CCDC158: variants seen among roughly 807,000 people sequenced by gnomAD.
CCDC158 encodes the protein coiled-coil domain containing 158, also known as coiled-coil domain-containing protein 158.
A neutral mutation model predicts 138.6 loss-of-function variants in CCDC158; 116 were observed. The ratio of observed to expected loss-of-function variants is 0.84; its 90% CI spans 0.72 to 0.98. The LOEUF (loss-of-function observed/expected upper bound fraction) is 0.98. CCDC158 is among the 50% of genes least tolerant of loss of function. CCDC158 has a pLI of 0.00. For synonymous variants in CCDC158, 436 were observed against 442.4 expected (o/e 0.99, Z 0.18); for missense variants, 1,265 against 1,306.1 (o/e 0.97, Z 0.48).
rs370244535 is a variant in CCDC158 at position 76,396,259 on chromosome 4, G to T, written c.288+10C>A. 8.0e-5 allele frequency: 127 copies of T among 1,593,958 alleles called. No homozygotes were observed. The highest frequency in any genetic ancestry group is 1.0e-4 in the Non-Finnish European group (120 of 1,163,842). On this transcript the variant is annotated intron_variant, in intron 4 of 24. Transcript: ENST00000682701. ...AATAGCATCAGGTGCTAGAAGAGAA[G>T]GCAACTCACTTCATTTAGTCTTCTC... is the stretch of plus-strand genomic sequence containing the variant.
intron 24 of CCDC158, among the ~76,000 whole-genome samples, chr4:76,321,429 T>C (rs1446249294): frequency 6.6e-6 from 1 of 151,846 alleles, no homozygotes; most frequent in Non-Finnish European, 1.5e-5. Flanking sequence ...AAAGAAGTCA[T>C]TATATGTAAA....
Position 76,334,001 on chromosome 4 carries a change from C to T in CCDC158, c.2822+9G>A. The stretch of plus-strand genomic sequence containing the variant: ...TGAGCTTTCCCATTCTGTGTGCACA[C>T]AGCCTTACACAGCCACATACAAGGC... On this transcript the variant is annotated intron_variant, in intron 19 of 24. Coordinates refer to ENST00000682701, the MANE Select transcript of CCDC158 (RefSeq NM_001394954.1). 1 of 1,573,528 alleles carries T rather than the reference C, an allele frequency of 6.4e-7. No individual in the cohort carries two copies. Among genetic ancestry groups the T allele is most frequent in the Non-Finnish European group, 8.7e-7 (1 of 1,154,878 alleles).
intron 19 of CCDC158, among the ~76,000 whole-genome samples, chr4:76,333,117 T>C (rs1318900893): frequency 6.6e-6 from 1 of 152,248 alleles, no homozygotes; most frequent in East Asian, 1.9e-4. Context: ...TGTAATGTTA[T>C]GCTAAGGTAA....
At chr4:76,385,165 G>A (rs1340378511) in intron 4 of CCDC158, among the ~76,000 whole-genome samples, 1 of 152,128 alleles carries the variant, frequency 6.6e-6, no homozygotes, top group African/African-American at 2.4e-5. Context: ...CATAGTTGAT[G>A]CCATACCTAA....
At chr4:76,342,175 G>T (rs190178749) in intron 18 of CCDC158, among the ~76,000 whole-genome samples, 2 of 152,098 alleles carry the variant, frequency 1.3e-5, no homozygotes, top group African/African-American at 4.8e-5. Context: ...TCCTGACTAG[G>T]ACTACAAGCA....
chr4:76,381,684 T>C (rs958570831), intron 8 of CCDC158, among the ~76,000 whole-genome samples: 2 of 152,286 alleles, frequency 1.3e-5, no homozygotes, highest in Admixed American at 6.5e-5. Flanking sequence ...GGGATAATTA[T>C]ATTTTTTTTA....
chr4:76,325,109 TAA>T (rs1720402835), intron 23 of CCDC158, among the ~76,000 whole-genome samples: 2 of 152,194 alleles, frequency 1.3e-5, no homozygotes, highest in African/African-American at 4.8e-5. Flanking sequence ...CTTAGAAACA[TAA>T]GAGATGAAAG....
At chr4:76,363,951 C>T (rs897477393) in intron 12 of CCDC158, among the ~76,000 whole-genome samples, 3 of 152,048 alleles carry the variant, frequency 2.0e-5, no homozygotes, top group Non-Finnish European at 2.9e-5. Flanking sequence ...GGAGCTTAGA[C>T]TGGGGTGGTT....
upstream of CCDC158, chr4:76,421,803 T>G (rs1448124432): frequency 6.6e-6 from 1 of 152,210 alleles, no homozygotes; most frequent in Non-Finnish European, 1.5e-5. Context: ...TCGGCATAGC[T>G]GACCCTTCTG....
intron 24 of CCDC158, among the ~76,000 whole-genome samples, chr4:76,319,953 G>A (rs563959676): frequency 9.5e-4 from 144 of 152,190 alleles, no homozygotes; most frequent in African/African-American, 3.3e-3. Flanking sequence ...GCAGTCAGAC[G>A]AGAGAAAGAA....
At chr4:76,386,887 A>G (rs913303709) in intron 4 of CCDC158, among the ~76,000 whole-genome samples, 1 of 152,196 alleles carries the variant, frequency 6.6e-6, no homozygotes, top group Admixed American at 6.5e-5. Context: ...AGCCCTAGCC[A>G]GAGGGGAATG....
At chr4:76,386,819 G>A (rs1726837664) in intron 4 of CCDC158, among the ~76,000 whole-genome samples, 1 of 152,180 alleles carries the variant, frequency 6.6e-6, no homozygotes, top group African/African-American at 2.4e-5. Context: ...TTAACTCAGT[G>A]CTGCCCCGTC....
chr4:76,384,108 G>A lies in CCDC158; in HGVS notation c.706C>T (p.Leu236Phe). The A allele has an allele frequency of 6.2e-7, 1 of 1,606,532 alleles. No homozygotes were observed. Among genetic ancestry groups the A allele is most frequent in the Non-Finnish European group, 8.5e-7 (1 of 1,174,984 alleles). Residue 236 changes from leucine (L) to phenylalanine (F), a missense_variant, in exon 6 of 25, where the codon CTT (leucine) becomes TTT (phenylalanine). By Grantham distance (22) the Leu-to-Phe change is conservative (BLOSUM62 0). Coordinates refer to ENST00000682701, the MANE Select transcript of CCDC158 (RefSeq NM_001394954.1). ...CTTACTGGAAATATCCTCCCTTTAAGATAAGAAATCTCTGTGTCTAATTCT... is the reference window on the plus strand; with the variant it reads ...CTTACTGGAAATATCCTCCCTTTAAAATAAGAAATCTCTGTGTCTAATTCT... ...LRELDTEISY[L>F]KGRIFPVEDQ...
chr4:76,414,095 G>A (rs1447344288), intron 1 of CCDC158, among the ~76,000 whole-genome samples: 1 of 152,054 alleles, frequency 6.6e-6, no homozygotes, highest in Non-Finnish European at 1.5e-5. Context: ...TTTTAGTAGA[G>A]ACGGGGTTTT....
rs1227087286 is a variant in CCDC158, at chr4:76,384,267, C to A, written c.547G>T (p.Glu183Ter). 3 of 1,614,020 alleles carry A rather than the reference C, an allele frequency of 1.9e-6. No individual in the cohort carries two copies. Among genetic ancestry groups the A allele is most frequent in the Non-Finnish European group, 2.5e-6 (3 of 1,180,014 alleles). ...EQLRKMMLSH[E>*]GVLQEIRSIL... is the part of the protein sequence containing the mutation. ...GACCGGATTTCTTGAAGCACTCCCTCATGACTAAGCATCATTTTTCGTAGT... is the reference window on the plus strand; with the variant it reads ...GACCGGATTTCTTGAAGCACTCCCTAATGACTAAGCATCATTTTTCGTAGT... Residue 183 changes from glutamate to a stop codon, truncating the protein, a stop_gained, in exon 6 of 25, where the codon GAG (glutamate) becomes TAG (stop). Transcript: ENST00000682701. LOFTEE classifies it high-confidence loss of function.
chr4:76,381,352 A>T (rs937415084), intron 8 of CCDC158, among the ~76,000 whole-genome samples: 4 of 152,232 alleles, frequency 2.6e-5, no homozygotes, highest in Non-Finnish European at 4.4e-5. Context: ...ACGCCTTGGG[A>T]GCCCTGCCTT....
At chr4:76,375,209 G>A (rs1426849679) in intron 9 of CCDC158, 8 of 245,426 alleles carry the variant, frequency 3.3e-5, no homozygotes, top group Admixed American at 1.1e-4. Context: ...TTATTTTTAC[G>A]TAGTAGCACT....
chr4:76,317,149 G>A lies in CCDC158; in HGVS notation c.3278-3903C>T, dbSNP rs568773202. On this transcript the variant is annotated intron_variant, in intron 24 of 24. Transcript: ENST00000682701. ...TCGTATTTCAATACTAACATTGAAT[G>A]TAAATGACCTAAATGTGCCACTTAA... Among the ~76,000 whole-genome samples, 5 of 151,982 alleles carry A rather than the reference G, an allele frequency of 3.3e-5. 1 individual carries two copies. The South Asian group carries it at 8.3e-4, about 25-fold the overall frequency.
chr4:76,340,571 T>C (rs1351248749), intron 18 of CCDC158, among the ~76,000 whole-genome samples: 1 of 152,134 alleles, frequency 6.6e-6, no homozygotes, highest in African/African-American at 2.4e-5. Context: ...CAACATCCTA[T>C]CTTTGTGAAG....
Sources: allele counts gnomAD v4.1 joint callset (sites outside exome capture counted in the v4.1 genomes callset), GRCh38; gene constraint gnomAD v4.1.1; transcripts MANE v1.5; gene names NCBI Gene and HGNC (gene_info 2026-07-23, HGNC 2026-07-21).